CNTN4: variants seen among roughly 807,000 people sequenced by gnomAD.
CNTN4 encodes the protein contactin 4.
CNTN4 carries 77 observed loss-of-function variants against 122.5 expected under a neutral mutation model. The ratio of observed to expected loss-of-function variants is 0.63; its 90% CI spans 0.52 to 0.76. The LOEUF (loss-of-function observed/expected upper bound fraction) is 0.76. CNTN4 is among the 30% of genes least tolerant of loss of function. The probability of loss-of-function intolerance (pLI) is 0.00; values close to 1 mark genes in which losing one functional copy is unlikely to be tolerated. For missense variants in CNTN4, 1,256 were observed against 1,259.1 expected (o/e 1.00, Z 0.04); for synonymous variants, 512 against 447.0 (o/e 1.15, Z -1.83).
At chr3:2,727,829 C>T (rs777192410) in intron 4 of CNTN4, among the ~76,000 whole-genome samples, 3 of 152,122 alleles carry the variant, frequency 2.0e-5, no homozygotes, top group African/African-American at 4.8e-5. Flanking sequence ...CACCAGCTGT[C>T]GGTAGACTTC....
chr3:2,895,235 C>T (rs2094094656), intron 10 of CNTN4, among the ~76,000 whole-genome samples: 2 of 152,106 alleles, frequency 1.3e-5, no homozygotes, highest in Admixed American at 1.3e-4. Context: ...CTCGGCCTCC[C>T]AAAGTGCTGG....
chr3:3,012,955 C>T (rs920471296), intron 14 of CNTN4, among the ~76,000 whole-genome samples: 4 of 151,648 alleles, frequency 2.6e-5, no homozygotes, highest in South Asian at 2.1e-4. Context: ...GCAACAAGAG[C>T]GAAATTCCAT....
intron 3 of CNTN4, among the ~76,000 whole-genome samples, chr3:2,455,517 A>G (rs550268971): frequency 1.2e-4 from 19 of 152,072 alleles, no homozygotes; most frequent in African/African-American, 4.3e-4. Context: ...TCTATACTTT[A>G]CTTCCCATTA....
chr3:2,922,148 G>C (rs977128039), intron 12 of CNTN4, among the ~76,000 whole-genome samples: 8 of 152,026 alleles, frequency 5.3e-5, no homozygotes, highest in African/African-American at 9.7e-5. Context: ...CAGACATAAG[G>C]GGCAATTTGA....
chr3:2,932,784 T>C (rs9862782), intron 13 of CNTN4, among the ~76,000 whole-genome samples: 94,298 of 151,760 alleles, frequency 0.62, 30,189 homozygotes, highest in Middle Eastern at 0.74. Flanking sequence ...TGGACAAAGA[T>C]GCAGATGCTT....
At position 2,526,267 on chromosome 3, in the gene CNTN4, T is replaced by C. The variant is rs556931381; in HGVS notation, c.-88-45149T>C. On this transcript the variant is annotated intron_variant, in intron 3 of 24. Coordinates refer to ENST00000418658, the MANE Select transcript of CNTN4 (RefSeq NM_175607.3). The stretch of plus-strand genomic sequence containing the variant: ...AACTGAGAATACTCTGTTTCAGAAG[T>C]TGTTAGAATTATCAAAGTTAAAAGA... Among the ~76,000 whole-genome samples, 58 of 152,288 alleles carry C rather than the reference T, an allele frequency of 3.8e-4. No homozygotes were observed. In the South Asian group the frequency reaches 0.012, roughly 30 times the overall value.
chr3:2,180,412 C>T (rs1226178435), intron 2 of CNTN4, among the ~76,000 whole-genome samples: 2 of 151,930 alleles, frequency 1.3e-5, no homozygotes, highest in Non-Finnish European at 2.9e-5. Context: ...AACTGGGATT[C>T]AAACTTGGCT....
chr3:2,130,298 C>G (rs1444300844), intron 2 of CNTN4, among the ~76,000 whole-genome samples: 1 of 152,076 alleles, frequency 6.6e-6, no homozygotes, highest in Admixed American at 6.6e-5. Flanking sequence ...CCATTGAGGG[C>G]CAGAACTGAC....
chr3:2,704,174 G>C (rs1448549295), intron 4 of CNTN4, among the ~76,000 whole-genome samples: 1 of 151,646 alleles, frequency 6.6e-6, no homozygotes, highest in African/African-American at 2.4e-5. Flanking sequence ...GCATACACCT[G>C]TAGTCCCCAG....
At chr3:3,013,093 A>T (rs1697397173) in intron 14 of CNTN4, among the ~76,000 whole-genome samples, 1 of 152,110 alleles carries the variant, frequency 6.6e-6, no homozygotes, top group Admixed American at 6.5e-5. Flanking sequence ...ATCAATAGTA[A>T]TGGTAATAAT....
chr3:2,414,272 T>C (rs1448519353), intron 3 of CNTN4, among the ~76,000 whole-genome samples: 1 of 152,182 alleles, frequency 6.6e-6, no homozygotes, highest in African/African-American at 2.4e-5. Flanking sequence ...TCTTTGGGAG[T>C]AAATTTTAGG....
At position 2,523,617 on chromosome 3, in the gene CNTN4, G is replaced by GT. The variant is rs568604289; in HGVS notation, c.-88-47797dup. ...GACCTTGGCTTTGAACTTGAAAAAG[G>GT]TTACCCTCTGTAAGAAAGTCCAGAG... On this transcript the variant is annotated intron_variant, in intron 3 of 24. Transcript: ENST00000418658. Among the ~76,000 whole-genome samples the GT allele has an allele frequency of 2.9e-3, 436 of 152,080 alleles. 3 individuals are homozygous for GT. Among genetic ancestry groups the GT allele is most frequent in the Middle Eastern group, 0.01 (3 of 294 alleles).
chr3:2,821,235 G>A (rs1257283487), intron 7 of CNTN4, among the ~76,000 whole-genome samples: 1 of 152,056 alleles, frequency 6.6e-6, no homozygotes, highest in Non-Finnish European at 1.5e-5. Context: ...GGGATTACAG[G>A]CATGAGTCAC....
At chr3:2,216,070 A>G (rs1269947777) in intron 2 of CNTN4, among the ~76,000 whole-genome samples, 3 of 152,108 alleles carry the variant, frequency 2.0e-5, no homozygotes, top group African/African-American at 7.2e-5. Context: ...ATTCTACCAT[A>G]AAGACACATG....
chr3:2,812,697 T>C (rs1241048221), intron 6 of CNTN4, among the ~76,000 whole-genome samples: 1 of 152,210 alleles, frequency 6.6e-6, no homozygotes, highest in African/African-American at 2.4e-5. Context: ...GTCATACTGA[T>C]AGTGCTAACA....
chr3:2,564,890 G>A (rs1465272378), intron 3 of CNTN4, among the ~76,000 whole-genome samples: 1 of 152,120 alleles, frequency 6.6e-6, no homozygotes, highest in Admixed American at 6.6e-5. Context: ...GGACTCTCGG[G>A]CTATGGAAGA....
chr3:2,883,160 A>T lies in CNTN4; in HGVS notation c.668A>T (p.Tyr223Phe). 6.2e-7 allele frequency: 1 copy of T among 1,613,364 alleles called. No individual in the cohort carries two copies. Among genetic ancestry groups the T allele is most frequent in the Non-Finnish European group, 8.5e-7 (1 of 1,179,392 alleles). Residue 223 changes from tyrosine to phenylalanine, a missense_variant, in exon 9 of 25, where the codon TAT becomes TTT. By Grantham distance (22) the Tyr-to-Phe change is conservative. Transcript: ENST00000418658. ...TTATTCACAGGAGTGATGGGTGAAT[A>T]TGAGCCCAAAATAGAAGTGCAGTTC... ...ILRNDGVMGEYEPKIEVQFPE... is the reference protein window; with the variant it reads ...ILRNDGVMGEFEPKIEVQFPE...
chr3:2,474,212 A>G (rs1401452352), intron 3 of CNTN4, among the ~76,000 whole-genome samples: 2 of 151,958 alleles, frequency 1.3e-5, no homozygotes, highest in African/African-American at 2.4e-5. Flanking sequence ...TTCATCACAT[A>G]TATCGTAATT....
At chr3:3,046,385 C>G (rs1417775596) in intron 23 of CNTN4, among the ~76,000 whole-genome samples, 4 of 152,192 alleles carry the variant, frequency 2.6e-5, no homozygotes, top group African/African-American at 9.7e-5. Context: ...AGAGAAAGGT[C>G]AGGTTACCCA....
Sources: gnomAD v4.1 joint callset for allele counts (sites outside exome capture counted in the v4.1 genomes callset) on GRCh38, gnomAD v4.1.1 for gene constraint, MANE v1.5 for transcripts, NCBI Gene and HGNC (gene_info 2026-07-23, HGNC 2026-07-21) for gene names.